PRDM15: variants seen among roughly 807,000 people sequenced by gnomAD.
The protein encoded by PRDM15 is PR/SET domain 15.
Under a neutral mutation model 128.6 loss-of-function variants are expected in PRDM15, and 64 were observed. The observed-to-expected ratio is 0.50, with a 90% CI of 0.41 to 0.61. The LOEUF (loss-of-function observed/expected upper bound fraction) is 0.61. PRDM15 is among the 20% of genes least tolerant of loss of function. PRDM15 has a pLI of 0.00. For missense variants in PRDM15, 1,242 were observed against 1,569.1 expected (o/e 0.79, Z 3.52); for synonymous variants, 615 against 621.8 (o/e 0.99, Z 0.16).
intron 13 of PRDM15, among the ~76,000 whole-genome samples, chr21:41,823,671 A>G (rs1331354733): frequency 6.6e-6 from 1 of 152,246 alleles, no homozygotes; most frequent in Non-Finnish European, 1.5e-5. Flanking sequence ...TTACGTTACA[A>G]TAGAAAATTG....
At chr21:41,852,383 G>A (rs971595926) in intron 5 of PRDM15, among the ~76,000 whole-genome samples, 3 of 152,344 alleles carry the variant, frequency 2.0e-5, no homozygotes, top group Admixed American at 6.5e-5. Context: ...AGGTCCCGAA[G>A]ATCACAGTTA....
In PRDM15 at chr21:41,866,903, A is replaced by G. The variant is rs1260015921; in HGVS notation, c.-9-6531T>C. ...GCATCTTGATTCCTGGGGAGACGCC[A>G]CAACACCTCCACTCCCTGGGGAGAC... On this transcript the variant is annotated intron_variant, in intron 1 of 23. Coordinates refer to ENST00000398548, the MANE Select transcript of PRDM15 (RefSeq NM_001040424.3). Among the ~76,000 whole-genome samples the G allele has an allele frequency of 9.2e-5, 14 of 152,220 alleles. No homozygotes were observed. In the East Asian group the frequency reaches 2.7e-3, roughly 29 times the overall value.
chr21:41,804,218 C>T (rs568639288), intron 22 of PRDM15, among the ~76,000 whole-genome samples: 1 of 152,312 alleles, frequency 6.6e-6, no homozygotes, highest in African/African-American at 2.4e-5. Context: ...CCCGCCTTGG[C>T]CTCCCAAATT....
intron 23 of PRDM15, 27 bp from the exon 24 acceptor site, chr21:41,801,749 C>G: frequency 6.3e-7 from 1 of 1,593,468 alleles, no homozygotes; most frequent in South Asian, 1.1e-5. Flanking sequence ...CAACAAAAAT[C>G]CGTTCATTTT....
intron 10 of PRDM15, 46 bp from the exon 11 acceptor site, chr21:41,835,570 C>A: frequency 6.5e-7 from 1 of 1,527,490 alleles, no homozygotes; most frequent in Non-Finnish European, 9.0e-7. Flanking sequence ...AGCGCAGAGT[C>A]CACAGATGCC....
At chr21:41,871,526 G>GCA in intron 1 of PRDM15, 1 of 1,609,976 alleles carries the variant, frequency 6.2e-7, no homozygotes, top group Non-Finnish European at 8.5e-7. Context: ...TCGCAGGCCT[G>GCA]CACTCGCAGG....
chr21:41,861,543 C>T (rs1031803121), intron 1 of PRDM15: 1 of 1,572,512 alleles, frequency 6.4e-7, no homozygotes, highest in Admixed American at 1.7e-5. Context: ...TGCCCCCCCC[C>T]AATCCCCAAC....
At chr21:41,871,455 T>C (rs995228392) in intron 1 of PRDM15, 2 of 1,524,864 alleles carry the variant, frequency 1.3e-6, no homozygotes, top group Middle Eastern at 2.5e-4. Flanking sequence ...TGTCCCTGTC[T>C]GGGCCCATAT....
rs1002265501 is a variant in PRDM15 at position 41,819,442 on chromosome 21, A to T, written c.2260+140T>A. 3.1e-4 allele frequency: 314 copies of T among 1,015,268 alleles called. No homozygotes were observed. In the African/African-American group the frequency reaches 5.4e-3, roughly 18 times the overall value. 62.9% of individuals were successfully genotyped at this position (1,015,268 alleles called of 1,614,324 possible). A position where few individuals can be genotyped will look rare whatever the true frequency, so the allele number is the denominator to read the frequency against. ...TGGCGCCTGTACCCACCTTTCCCAC[A>T]CTCGGCCCGTGGCCCCGGCCCCCGC... On this transcript the variant is annotated intron_variant, in intron 18 of 23. Transcript: ENST00000398548.
At position 41,802,812 on chromosome 21, in the gene PRDM15, A is replaced by T; in HGVS notation, c.2843T>A (p.Val948Glu). 6.2e-7 allele frequency: 1 copy of T among 1,614,146 alleles called. No individual in the cohort carries two copies. Among genetic ancestry groups the T allele is most frequent in the African/African-American group, 1.3e-5 (1 of 75,048 alleles). Reference sequence around the variant, plus strand: ...TTCGCTGAAGGTGGCGTCCTCGGGCACCGGAGCACCCGCCTCCTCTTCTGG... The same window carrying T: ...TTCGCTGAAGGTGGCGTCCTCGGGCTCCGGAGCACCCGCCTCCTCTTCTGG... Reference protein sequence around the residue: ...QKPEEEAGAPVPEDATFSEYS... With the variant: ...QKPEEEAGAPEPEDATFSEYS... The change falls in exon 23 of 24, where the codon GTG (valine) becomes GAG (glutamate). Residue 948 changes from valine to glutamate, a missense_variant. Around this residue, in one of 3 missense-constraint regions of PRDM15, gnomAD observed 602 missense variants for 788.3 expected, o/e 0.76. Coordinates refer to ENST00000398548, the MANE Select transcript of PRDM15 (RefSeq NM_001040424.3).
In PRDM15 at chr21:41,862,458, A is replaced by C. The variant is rs2063850584; in HGVS notation, c.-9-2086T>G. Among the ~76,000 whole-genome samples the C allele has an allele frequency of 6.6e-6, 1 of 152,048 alleles. No homozygotes were observed. Among genetic ancestry groups the C allele is most frequent in the Admixed American group, 6.5e-5 (1 of 15,270 alleles). On this transcript the variant is annotated intron_variant, in intron 1 of 23. Coordinates refer to ENST00000398548, the MANE Select transcript of PRDM15 (RefSeq NM_001040424.3). This position sits in a 1 kb window ranked among gnomAD's most constrained non-coding sequence, Gnocchi z 4.1. ...CTGCCCACCCCTTCTAGGTGCCCCC[A>C]AAAAAGGTCCCCTCTGAGCGGAGCT... is the stretch of plus-strand genomic sequence containing the variant.
At chr21:41,817,892 G>A (rs901701988) in intron 18 of PRDM15, among the ~76,000 whole-genome samples, 11 of 152,172 alleles carry the variant, frequency 7.2e-5, no homozygotes, top group African/African-American at 1.2e-4. Flanking sequence ...TTTAAAAAAC[G>A]ATGCAACTAA....
intron 1 of PRDM15, among the ~76,000 whole-genome samples, chr21:41,874,523 A>ATTTTTTTTTT (rs879505958): frequency 5.1e-5 from 4 of 78,742 alleles, no homozygotes; most frequent in Admixed American, 1.4e-4. Context: ...ATATATATAT[A>ATTTTTTTTTT]TATTTTTTTT....
chr21:41,799,610 C>T lies in PRDM15; in HGVS notation c.*1630G>A, dbSNP rs1215460127. 2 of 152,148 alleles carry T rather than the reference C, an allele frequency of 1.3e-5. No homozygotes were observed. The highest frequency in any genetic ancestry group is 2.4e-5 in the African/African-American group (1 of 41,422). 9.4% of individuals were successfully genotyped at this position (152,148 alleles called of 1,614,324 possible). ...GGCATATATTGCACAAAACAAATTC[C>T]AGCCCTGTCCTCAAAAGTCTGCTGT... is the stretch of plus-strand genomic sequence containing the variant. On this transcript the variant is annotated 3_prime_UTR_variant, in exon 24 of 24. Coordinates refer to ENST00000398548, the MANE Select transcript of PRDM15 (RefSeq NM_001040424.3).
Position 41,810,524 on chromosome 21 carries a change from G to A in PRDM15, c.2477-195C>T. The A allele has an allele frequency of 1.5e-6, 1 of 650,988 alleles. No individual in the cohort carries two copies. Among genetic ancestry groups the A allele is most frequent in the Non-Finnish European group, 2.6e-6 (1 of 380,292 alleles). The allele number at this position is 650,988 out of a possible 1,614,324, so 40.3% of individuals were successfully genotyped here. ...CTCTGTCCCTTGGGGAGCACTGCCA[G>A]CAGCAGCTGCATCACGGAACCAATA... On this transcript the variant is annotated intron_variant, in intron 20 of 23. Coordinates refer to ENST00000398548, the MANE Select transcript of PRDM15 (RefSeq NM_001040424.3). The surrounding 1 kb of genome is among the most constrained non-coding windows in gnomAD (Gnocchi z 6.4).
Position 41,823,390 on chromosome 21 carries a change from G to A in PRDM15, c.1689C>T (p.Tyr563=), listed in dbSNP as rs1000933853. 1.9e-6 allele frequency: 3 copies of A among 1,577,904 alleles called. No homozygotes were observed. Among genetic ancestry groups the A allele is most frequent in the African/African-American group, 2.7e-5 (2 of 73,890 alleles). Residue 563 remains tyrosine (Y), a synonymous_variant, in exon 14 of 24, where the codon TAC becomes TAT. Coordinates refer to ENST00000398548, the MANE Select transcript of PRDM15 (RefSeq NM_001040424.3). The stretch of plus-strand genomic sequence containing the variant: ...ACTTGCGCCCGCAGATCTCGCAGGT[G>A]TACTTCTTGTCGCCGTGGGTGAGCA... ...KHLLTHGDKK[Y]TCEICGRKFF...
chr21:41,874,521 A>ATTTT (rs1336105383), intron 1 of PRDM15, among the ~76,000 whole-genome samples: 1,852 of 47,642 alleles, frequency 0.039, 33 homozygotes, highest in African/African-American at 0.063. Flanking sequence ...ATATATATAT[A>ATTTT]TATATTTTTT....
At chr21:41,815,623 C>G (rs566801827) in intron 19 of PRDM15, 82 bp downstream of exon 19, 1 of 1,547,320 alleles carries the variant, frequency 6.5e-7, no homozygotes, top group Non-Finnish European at 8.8e-7. Flanking sequence ...CGTCTCAAGG[C>G]GGCTCTCTCT....
intron 13 of PRDM15, 109 bp from the exon 14 acceptor site, chr21:41,823,558 C>G (rs2062363038): frequency 1.7e-6 from 2 of 1,209,048 alleles, no homozygotes; most frequent in Non-Finnish European, 2.3e-6. Flanking sequence ...AAACACAGCA[C>G]TGTGCTCCAG....
Sources: gnomAD v4.1 joint callset for allele counts (sites outside exome capture counted in the v4.1 genomes callset) on GRCh38, gnomAD v4.1.1 for gene constraint, gnomAD v4.1.1 regional missense constraint, Gnocchi (gnomAD v3.1) non-coding constraint, MANE v1.5 for transcripts, NCBI Gene and HGNC (gene_info 2026-07-23, HGNC 2026-07-21) for gene names.